Variants in TRAPPC10 observed in about 807,000 individuals in gnomAD.
TRAPPC10 encodes the protein TRAPP 130 kDa subunit.
Under a neutral mutation model 125.5 loss-of-function variants are expected in TRAPPC10, and 23 were observed. The observed-to-expected ratio is 0.18, with a 90% CI of 0.13 to 0.26. TRAPPC10 has a LOEUF of 0.26. Ranked by LOEUF, TRAPPC10 falls within the 10% of genes least tolerant of loss-of-function variation. The probability of loss-of-function intolerance (pLI) is 1.00; values close to 1 mark genes in which losing one functional copy is unlikely to be tolerated. For missense variants in TRAPPC10, 1,123 were observed against 1,308.4 expected, an observed-to-expected ratio of 0.86 and a Z score of 2.19; for synonymous variants, 509 against 518.0, an observed-to-expected ratio of 0.98 and a Z score of 0.24.
rs372138419 is a variant in TRAPPC10 at position 44,076,874 on chromosome 21, T to G, written c.1377+246T>G. Among the ~76,000 whole-genome samples the G allele has an allele frequency of 3.5e-4, 54 of 152,228 alleles. 1 individual carries two copies. The highest frequency in any genetic ancestry group is 1.2e-3 in the African/African-American group (50 of 41,454). On this transcript the variant is annotated intron_variant, in intron 10 of 22. Transcript: ENST00000291574. ...TGAATATTTACCGTTTTGTTCAAAT[T>G]GGGTTTGCTCACACAGAAATTATAA...
intron 7 of TRAPPC10, among the ~76,000 whole-genome samples, chr21:44,065,519 A>G (rs779294497): frequency 4.6e-5 from 7 of 152,170 alleles, no homozygotes; most frequent in African/African-American, 1.4e-4. Flanking sequence ...CTGCATCTCC[A>G]GTGAGAGGAG....
At chr21:44,081,961 C>T (rs2037781410) in intron 13 of TRAPPC10, among the ~76,000 whole-genome samples, 2 of 152,170 alleles carry the variant, frequency 1.3e-5, no homozygotes, top group Admixed American at 1.3e-4. Context: ...CTTTAACGCG[C>T]CCAAGCTGAC....
At chr21:44,028,496 G>A (rs1012087128) in intron 1 of TRAPPC10, among the ~76,000 whole-genome samples, 2 of 152,176 alleles carry the variant, frequency 1.3e-5, no homozygotes, top group African/African-American at 4.8e-5. Context: ...GTGATGCTGT[G>A]CTCCCACAGA....
At chr21:44,017,975 C>T (rs952879537) in intron 1 of TRAPPC10, among the ~76,000 whole-genome samples, 95 of 151,916 alleles carry the variant, frequency 6.3e-4, no homozygotes, top group Non-Finnish European at 1.3e-3. Flanking sequence ...GTTTGGGAAC[C>T]CGTGCTGTTA....
In TRAPPC10 at chr21:44,048,116, C is replaced by T. The variant is rs563459343; in HGVS notation, c.286-4164C>T. Among the ~76,000 whole-genome samples the T allele has an allele frequency of 4.6e-5, 7 of 152,296 alleles. No homozygotes were observed. In the East Asian group the frequency reaches 1.3e-3, roughly 29 times the overall value. On this transcript the variant is annotated intron_variant, in intron 3 of 22. Coordinates refer to ENST00000291574, the MANE Select transcript of TRAPPC10 (RefSeq NM_003274.5). Reference sequence around the variant, plus strand: ...GCATGGGTGCCTCTGATCGTGTCTGCGGGTTCTGTTCCAGCAATGGGTGGT... The same window carrying T: ...GCATGGGTGCCTCTGATCGTGTCTGTGGGTTCTGTTCCAGCAATGGGTGGT...
chr21:44,093,875 G>A (rs1433593708), intron 19 of TRAPPC10, among the ~76,000 whole-genome samples, 188 bp from the exon 20 acceptor site: 1 of 152,224 alleles, frequency 6.6e-6, no homozygotes, highest in Non-Finnish European at 1.5e-5. Context: ...ACAAGGCCAG[G>A]CAAAGGGAGT....
Position 44,050,990 on chromosome 21 carries a change from C to T in TRAPPC10, c.286-1290C>T, listed in dbSNP as rs949781422. 7.2e-5 allele frequency among the ~76,000 whole-genome samples: 11 copies of T among 152,252 alleles called. No homozygotes were observed. In the South Asian group the frequency reaches 1.4e-3, roughly 20 times the overall value. ...TGCGATCTTGACTCACTACAACCTC[C>T]GCCTCCCAGTTCAAGCAATTCCCCT... On this transcript the variant is annotated intron_variant, in intron 3 of 22. Transcript: ENST00000291574.
At chr21:44,056,991 A>G (rs2035643641) in intron 5 of TRAPPC10, among the ~76,000 whole-genome samples, 1 of 152,154 alleles carries the variant, frequency 6.6e-6, no homozygotes, top group African/African-American at 2.4e-5. Flanking sequence ...ATTAGTTCAG[A>G]ATTTAAAATG....
chr21:44,093,814 G>T (rs1156358649), intron 19 of TRAPPC10, among the ~76,000 whole-genome samples: 1 of 152,140 alleles, frequency 6.6e-6, no homozygotes, highest in African/African-American at 2.4e-5. Flanking sequence ...TAAAACTTAT[G>T]GTATCATAAA....
chr21:44,084,925 A>G (rs1423256667), intron 15 of TRAPPC10, among the ~76,000 whole-genome samples: 1 of 152,230 alleles, frequency 6.6e-6, no homozygotes, highest in Non-Finnish European at 1.5e-5. Context: ...GTATGGGGAA[A>G]GGGGTGCAGA....
chr21:44,013,324 G>C (rs1176365811), intron 1 of TRAPPC10, among the ~76,000 whole-genome samples: 1 of 152,194 alleles, frequency 6.6e-6, no homozygotes, highest in Non-Finnish European at 1.5e-5. Flanking sequence ...AGTTAAATAC[G>C]GTTAAGAACA....
At chr21:44,043,924 G>C (rs547392064) in intron 3 of TRAPPC10, among the ~76,000 whole-genome samples, 2 of 152,312 alleles carry the variant, frequency 1.3e-5, no homozygotes, top group South Asian at 4.1e-4. Flanking sequence ...TTAGCTCCCA[G>C]CCTCAACACG....
At chr21:44,034,332 A>ACCCCCCC (rs71197877) in intron 2 of TRAPPC10, among the ~76,000 whole-genome samples, 23 of 101,542 alleles carry the variant, frequency 2.3e-4, no homozygotes, top group Non-Finnish European at 3.0e-4. Flanking sequence ...CACTCCCCCA[A>ACCCCCCC]CCCCCCCCCC....
intron 8 of TRAPPC10, 55 bp downstream of exon 8, chr21:44,074,525 G>C: frequency 6.2e-7 from 1 of 1,608,590 alleles, no homozygotes; most frequent in Non-Finnish European, 8.5e-7. Context: ...CCATGCCTGG[G>C]TGGCGGAGGA....
intron 3 of TRAPPC10, among the ~76,000 whole-genome samples, chr21:44,038,213 T>C (rs1164644208): frequency 2.0e-5 from 3 of 152,202 alleles, no homozygotes; most frequent in Non-Finnish European, 4.4e-5. Flanking sequence ...CGGGACTTGC[T>C]GTTGCGTGTT....
chr21:44,061,795 A>G (rs1366666712), intron 6 of TRAPPC10, among the ~76,000 whole-genome samples: 1 of 152,218 alleles, frequency 6.6e-6, no homozygotes, highest in African/African-American at 2.4e-5. Flanking sequence ...AGAAATCTAA[A>G]ACTGCCAATC....
chr21:44,029,288 G>A (rs1268064796), intron 1 of TRAPPC10, among the ~76,000 whole-genome samples: 3 of 152,116 alleles, frequency 2.0e-5, no homozygotes, highest in Admixed American at 6.5e-5. Flanking sequence ...TAGAGACGGG[G>A]TTTCACCGTG....
At chr21:44,070,320 T>C (rs948366428) in intron 7 of TRAPPC10, among the ~76,000 whole-genome samples, 4 of 152,258 alleles carry the variant, frequency 2.6e-5, no homozygotes, top group African/African-American at 4.8e-5. Context: ...AAAATTAATA[T>C]AAATTAAGAA....
At chr21:44,067,184 C>T (rs944398623) in intron 7 of TRAPPC10, among the ~76,000 whole-genome samples, 1 of 152,188 alleles carries the variant, frequency 6.6e-6, no homozygotes, top group Non-Finnish European at 1.5e-5. Flanking sequence ...GCATGGGACG[C>T]CGTCGGAGTT....
Sources: gnomAD v4.1 joint callset for allele counts (sites outside exome capture counted in the v4.1 genomes callset) on GRCh38, gnomAD v4.1.1 for gene constraint, MANE v1.5 for transcripts, NCBI Gene and HGNC (gene_info 2026-07-23, HGNC 2026-07-21) for gene names.